SGMS2: variants seen among roughly 807,000 people sequenced by gnomAD.
SGMS2 encodes the protein sphingomyelin synthase 2.
A neutral mutation model predicts 43.8 loss-of-function variants in SGMS2; 21 were observed. The observed-to-expected ratio is 0.48, with a 90% CI of 0.34 to 0.69. SGMS2 has a LOEUF of 0.69. SGMS2 is among the 30% of genes least tolerant of loss of function. SGMS2 has a pLI of 0.01. For missense variants in SGMS2, 384 were observed against 443.2 expected (o/e 0.87, Z 1.20); for synonymous variants, 167 against 160.6 (o/e 1.04, Z -0.30).
At chr4:107,890,550 G>C (rs140531786) in intron 2 of SGMS2, among the ~76,000 whole-genome samples, 2 of 151,474 alleles carry the variant, frequency 1.3e-5, no homozygotes, top group Non-Finnish European at 2.9e-5. Context: ...TGGTACGTGC[G>C]TGTAATCCCA....
At chr4:107,856,458 T>C (rs574505150) in intron 1 of SGMS2, among the ~76,000 whole-genome samples, 1 of 152,348 alleles carries the variant, frequency 6.6e-6, no homozygotes, top group South Asian at 2.1e-4. Flanking sequence ...GAATAAAATC[T>C]ATAAGCTGAC....
intron 1 of SGMS2, among the ~76,000 whole-genome samples, chr4:107,844,669 G>A (rs892502441): frequency 5.9e-5 from 9 of 152,108 alleles, no homozygotes; most frequent in African/African-American, 1.4e-4. Flanking sequence ...TTGCACCACC[G>A]CTCTCCAGCC....
intron 5 of SGMS2, 150 bp downstream of exon 5, chr4:107,903,536 T>C: frequency 1.6e-6 from 1 of 620,576 alleles, no homozygotes; most frequent in Admixed American, 3.3e-5. Flanking sequence ...TGTGAATGTG[T>C]GTGTGTGCGT....
At chr4:107,844,118 C>T (rs1353548904) in intron 1 of SGMS2, among the ~76,000 whole-genome samples, 1 of 151,184 alleles carries the variant, frequency 6.6e-6, no homozygotes, top group African/African-American at 2.4e-5. Context: ...GTCAGGAGTT[C>T]GAGACTAGCC....
At chr4:107,833,249 TTTG>T (rs1725992479) in intron 1 of SGMS2, among the ~76,000 whole-genome samples, 1 of 152,172 alleles carries the variant, frequency 6.6e-6, no homozygotes, top group Non-Finnish European at 1.5e-5. Flanking sequence ...AGGGTTTTCA[TTTG>T]TTGTAAATTA....
At chr4:107,864,487 C>CTA (rs1460250507) in intron 2 of SGMS2, 2 of 152,168 alleles carry the variant, frequency 1.3e-5, no homozygotes, top group East Asian at 3.9e-4. Context: ...GAGTGACTCT[C>CTA]AGAGTTGCCT....
chr4:107,830,074 T>C (rs763334527), intron 1 of SGMS2, among the ~76,000 whole-genome samples: 12 of 152,200 alleles, frequency 7.9e-5, no homozygotes, highest in Non-Finnish European at 1.2e-4. Context: ...GGTTCCCTTC[T>C]TAGGGTCCAT....
rs918503322 is a variant in SGMS2, at chr4:107,912,790, C to A, written c.*2237C>A. On this transcript the variant is annotated 3_prime_UTR_variant, in exon 7 of 7. Coordinates refer to ENST00000690982, the MANE Select transcript of SGMS2 (RefSeq NM_001375905.1). Reference sequence around the variant, plus strand: ...AGTTTTTTTTTAATTTAAAAAAAACCATCACCTTTTAAAGAACTTTAAAAA... The same window carrying A: ...AGTTTTTTTTTAATTTAAAAAAAACAATCACCTTTTAAAGAACTTTAAAAA... 4.0e-5 allele frequency: 6 copies of A among 151,834 alleles called. No homozygotes were observed. Among genetic ancestry groups the A allele is most frequent in the African/African-American group, 7.3e-5 (3 of 41,322 alleles). The allele number at this position is 151,834 out of a possible 1,614,324, so 9.4% of individuals were successfully genotyped here.
intron 2 of SGMS2, among the ~76,000 whole-genome samples, chr4:107,872,625 G>A (rs994003269): frequency 6.6e-6 from 1 of 152,042 alleles, no homozygotes; most frequent in African/African-American, 2.4e-5. Flanking sequence ...AGCTATGATT[G>A]TGCCACTGCG....
At chr4:107,837,425 T>C (rs1726248104) in intron 1 of SGMS2, among the ~76,000 whole-genome samples, 1 of 152,064 alleles carries the variant, frequency 6.6e-6, no homozygotes, top group African/African-American at 2.4e-5. Context: ...GTGAACAGAA[T>C]GTACAACCTG....
chr4:107,858,849 T>C (rs1727568748), intron 2 of SGMS2, among the ~76,000 whole-genome samples: 1 of 152,216 alleles, frequency 6.6e-6, no homozygotes, highest in Non-Finnish European at 1.5e-5. Flanking sequence ...CCCCATAACT[T>C]TCTAACCTGT....
chr4:107,825,098 G>A lies in SGMS2; in HGVS notation c.-482G>A, dbSNP rs1216232204. ...GTCAGGCCGCGGCGTGGGAGGGCGA[G>A]ACCCCGAGCAAACTTTCTAGCGGCT... On this transcript the variant is annotated 5_prime_UTR_variant, in exon 1 of 7. Transcript: ENST00000690982. The A allele has an allele frequency of 6.6e-6, 1 of 152,192 alleles. No individual in the cohort carries two copies. Among genetic ancestry groups the A allele is most frequent in the African/African-American group, 2.4e-5 (1 of 41,430 alleles). 9.4% of individuals were successfully genotyped at this position (152,192 alleles called of 1,614,324 possible).
chr4:107,836,701 C>T (rs1022927085), intron 1 of SGMS2, among the ~76,000 whole-genome samples: 7 of 152,162 alleles, frequency 4.6e-5, no homozygotes, highest in African/African-American at 1.4e-4. Flanking sequence ...CTAATTTGTG[C>T]TCTTCCTCAG....
intron 4 of SGMS2, among the ~76,000 whole-genome samples, chr4:107,901,099 G>C (rs548609989): frequency 6.6e-6 from 1 of 152,302 alleles, no homozygotes; most frequent in Admixed American, 6.5e-5. Flanking sequence ...ATTGTCCTCT[G>C]TGGAAGAGTT....
At chr4:107,845,319 C>T (rs1440839539) in intron 1 of SGMS2, among the ~76,000 whole-genome samples, 2 of 152,108 alleles carry the variant, frequency 1.3e-5, no homozygotes, top group African/African-American at 4.8e-5. Context: ...TCATATGTTG[C>T]AGGAGTAGTA....
chr4:107,912,314 A>G lies in SGMS2; in HGVS notation c.*1761A>G. The G allele has an allele frequency of 6.6e-6, 1 of 152,182 alleles. No individual in the cohort carries two copies. 9.4% of individuals were successfully genotyped at this position (152,182 alleles called of 1,614,324 possible). ...TTTTAAACAAGAATTAAAACCCCAA[A>G]CATCCTTGGCAGGCTTTGAAGCACA... is the stretch of plus-strand genomic sequence containing the variant. On this transcript the variant is annotated 3_prime_UTR_variant, in exon 7 of 7. Transcript: ENST00000690982.
intron 1 of SGMS2, among the ~76,000 whole-genome samples, chr4:107,851,329 G>C (rs1465322941): frequency 1.3e-5 from 2 of 152,316 alleles, no homozygotes; most frequent in East Asian, 3.9e-4. Context: ...GAGGAGGCTA[G>C]AGTAAGCAAC....
In SGMS2 at chr4:107,858,560, A is replaced by G. The variant is rs1727551889; in HGVS notation, c.-245+7A>G. The G allele has an allele frequency of 6.6e-6, 1 of 152,258 alleles. No homozygotes were observed. Among genetic ancestry groups the G allele is most frequent in the Non-Finnish European group, 1.5e-5 (1 of 68,082 alleles). 9.4% of individuals were successfully genotyped at this position (152,258 alleles called of 1,614,324 possible). A position where few individuals can be genotyped will look rare whatever the true frequency, so the allele number is the denominator to read the frequency against. ...GACTGCTGCAAGGACCAAGGTGGGA[A>G]TTGCTGTGCTACCATCTGGAAACAG... On this transcript the variant is annotated splice_region_variant and intron_variant, in intron 2 of 6. Transcript: ENST00000690982.
chr4:107,882,482 CCTT>C (rs1729437708), intron 2 of SGMS2, among the ~76,000 whole-genome samples: 1 of 151,972 alleles, frequency 6.6e-6, no homozygotes, highest in Admixed American at 6.6e-5. Context: ...TGTTTGAGCT[CCTT>C]ATATATTCTG....
Sources: allele counts gnomAD v4.1 joint callset (sites outside exome capture counted in the v4.1 genomes callset), GRCh38; gene constraint gnomAD v4.1.1; transcripts MANE v1.5; gene names NCBI Gene and HGNC (gene_info 2026-07-23, HGNC 2026-07-21).